Variants in NAALADL2 observed in about 807,000 individuals in gnomAD.
NAALADL2 encodes inactive N-acetylated-alpha-linked acidic dipeptidase-like protein 2.
A neutral mutation model predicts 87.2 loss-of-function variants in NAALADL2; 76 were observed. The observed-to-expected ratio is 0.87, with a 90% CI of 0.72 to 1.05. NAALADL2 has a LOEUF of 1.05. Among genes scored for constraint, NAALADL2 ranks in the 50% least tolerant of loss-of-function variants. The pLI, the probability that NAALADL2 is intolerant of heterozygous loss-of-function variation, is 0.00. For synonymous variants in NAALADL2, 354 were observed against 331.0 expected (o/e 1.07, Z -0.75); for missense variants, 1,089 against 945.8 (o/e 1.15, Z -1.99).
intron 1 of NAALADL2, among the ~76,000 whole-genome samples, chr3:174,522,947 A>G (rs1313396221): frequency 6.0e-5 from 9 of 150,852 alleles, no homozygotes; most frequent in African/African-American, 1.9e-4. Context: ...AAAAAAAAAA[A>G]AAAAAAAAAA....
intron 5 of NAALADL2, among the ~76,000 whole-genome samples, chr3:175,415,665 T>C (rs745426214): frequency 1.3e-5 from 2 of 152,038 alleles, no homozygotes; most frequent in Non-Finnish European, 2.9e-5. Context: ...CAAAACATAA[T>C]ACAAAAGAGA....
intron 13 of NAALADL2, among the ~76,000 whole-genome samples, chr3:175,782,806 C>T (rs1751338649): frequency 6.8e-6 from 1 of 146,864 alleles, no homozygotes; most frequent in African/African-American, 2.7e-5. Flanking sequence ...ATGGTAATGC[C>T]TAGGTTTTCT....
chr3:174,997,814 C>G (rs369117650), intron 1 of NAALADL2, among the ~76,000 whole-genome samples: 12 of 149,570 alleles, frequency 8.0e-5, no homozygotes, highest in South Asian at 2.1e-4. Flanking sequence ...AAAACTCTGT[C>G]TCAAAAAAAC....
rs532767613 is a variant in NAALADL2, at chr3:175,426,324, C to G, written c.1091-20905C>G. Among the ~76,000 whole-genome samples the G allele has an allele frequency of 7.2e-5, 11 of 152,302 alleles. No individual in the cohort carries two copies. In the East Asian group the frequency reaches 2.1e-3, roughly 29 times the overall value. On this transcript the variant is annotated intron_variant, in intron 5 of 13. Coordinates refer to ENST00000454872, the MANE Select transcript of NAALADL2 (RefSeq NM_207015.3). ...TTTGCAGTGAGCCACAATTTGGCCA[C>G]TGCACTCCTGCCTGAGCGACAGAGT...
chr3:174,997,833 A>AAACAACAACAAC (rs60367540), intron 1 of NAALADL2, among the ~76,000 whole-genome samples: 82 of 142,048 alleles, frequency 5.8e-4, no homozygotes, highest in African/African-American at 1.3e-3. Flanking sequence ...ACCAAAAAGC[A>AAACAACAACAAC]AACAACAACA....
intron 9 of NAALADL2, among the ~76,000 whole-genome samples, chr3:175,561,625 T>C (rs1355462653): frequency 6.6e-6 from 1 of 152,208 alleles, no homozygotes; most frequent in Non-Finnish European, 1.5e-5. Context: ...TATAGAAGTA[T>C]GTATATAGAA....
At chr3:175,161,585 G>A (rs371593344) in intron 2 of NAALADL2, among the ~76,000 whole-genome samples, 10 of 152,102 alleles carry the variant, frequency 6.6e-5, no homozygotes, top group African/African-American at 2.4e-4. Context: ...AGTAGATATA[G>A]AGTCTGTTTT....
At chr3:175,710,843 ACT>A (rs1740439422) in intron 11 of NAALADL2, among the ~76,000 whole-genome samples, 1 of 151,770 alleles carries the variant, frequency 6.6e-6, no homozygotes, top group African/African-American at 2.4e-5. Flanking sequence ...TCTGTATAGT[ACT>A]CTCTCTAAAA....
chr3:175,083,091 C>A lies in NAALADL2; in HGVS notation c.44-13699C>A, dbSNP rs1331999378. ...AGTTCTGAAAGGCATATGTAAATAA[C>A]AACTTTATAATGTGTTTAAGGAACT... On this transcript the variant is annotated intron_variant, in intron 1 of 13. Coordinates refer to ENST00000454872, the MANE Select transcript of NAALADL2 (RefSeq NM_207015.3). Among the ~76,000 whole-genome samples, 4 of 152,278 alleles carry A rather than the reference C, an allele frequency of 2.6e-5. No homozygotes were observed. In the East Asian group the frequency reaches 7.7e-4, roughly 29 times the overall value.
At chr3:174,677,218 AAC>A (rs1329516795) in intron 2 of NAALADL2, among the ~76,000 whole-genome samples, 2 of 151,858 alleles carry the variant, frequency 1.3e-5, no homozygotes, top group East Asian at 3.9e-4. Flanking sequence ...TGTGACCTTA[AAC>A]ATATGTGTTT....
chr3:175,206,244 CTATA>C (rs200530639), intron 2 of NAALADL2, among the ~76,000 whole-genome samples: 1 of 107,986 alleles, frequency 9.3e-6, no homozygotes, highest in African/African-American at 4.6e-5. Context: ...GGATAAAAAA[CTATA>C]TATATATATA....
At chr3:174,984,285 T>C (rs914172522) in intron 1 of NAALADL2, among the ~76,000 whole-genome samples, 3 of 152,202 alleles carry the variant, frequency 2.0e-5, no homozygotes, top group Non-Finnish European at 2.9e-5. Context: ...ATTGTAGCAC[T>C]TTTTTTGCTC....
chr3:175,735,428 C>T (rs1369721310), intron 11 of NAALADL2, among the ~76,000 whole-genome samples: 1 of 152,164 alleles, frequency 6.6e-6, no homozygotes, highest in Admixed American at 6.5e-5. Context: ...TTCAGCAGTG[C>T]CCCACTCCTG....
chr3:175,238,343 A>T (rs552362273), intron 3 of NAALADL2, among the ~76,000 whole-genome samples: 137 of 152,292 alleles, frequency 9.0e-4, no homozygotes, highest in African/African-American at 3.0e-3. Context: ...TTAACTGTAG[A>T]TGTAGAAATA....
intron 1 of NAALADL2, among the ~76,000 whole-genome samples, chr3:175,037,199 C>G (rs1186910816): frequency 6.6e-6 from 1 of 152,112 alleles, no homozygotes; most frequent in Non-Finnish European, 1.5e-5. Context: ...CAGCTTCCCA[C>G]TTGTCCTCCA....
intron 2 of NAALADL2, among the ~76,000 whole-genome samples, chr3:174,559,590 C>T (rs1713327861): frequency 6.6e-6 from 1 of 152,158 alleles, no homozygotes; most frequent in Admixed American, 6.5e-5. Context: ...CTATCAGCAA[C>T]AGAAATTTAT....
At chr3:175,736,299 T>C (rs140567203) in intron 11 of NAALADL2, among the ~76,000 whole-genome samples, 84 of 152,358 alleles carry the variant, frequency 5.5e-4, no homozygotes, top group African/African-American at 1.9e-3. Flanking sequence ...TTTGTATTTA[T>C]TTATTTTAAG....
At chr3:175,476,408 G>A (rs1490883571) in intron 9 of NAALADL2, among the ~76,000 whole-genome samples, 1 of 152,092 alleles carries the variant, frequency 6.6e-6, no homozygotes, top group Admixed American at 6.6e-5. Flanking sequence ...ATATAAGAGT[G>A]AGTGTGATAT....
rs138576374 is a variant in NAALADL2, at chr3:175,547,520, A to C, written c.1654-28521A>C. On this transcript the variant is annotated intron_variant, in intron 9 of 13. Coordinates refer to ENST00000454872, the MANE Select transcript of NAALADL2 (RefSeq NM_207015.3). The stretch of plus-strand genomic sequence containing the variant: ...TAGACAAAGATTTCATGACAAAGAT[A>C]TCAAAAGCAATTGTAACAAAAGCAA... 2.5e-3 allele frequency among the ~76,000 whole-genome samples: 387 copies of C among 152,266 alleles called. 1 individual carries two copies. The highest frequency in any genetic ancestry group is 9.1e-3 in the African/African-American group (377 of 41,586).
Sources: gnomAD v4.1 joint callset for allele counts (sites outside exome capture counted in the v4.1 genomes callset) on GRCh38, gnomAD v4.1.1 for gene constraint, MANE v1.5 for transcripts, NCBI Gene and HGNC (gene_info 2026-07-23, HGNC 2026-07-21) for gene names.